The following MAST2 variants were observed in gnomAD, a reference collection of about 807,000 sequenced individuals.
The protein encoded by MAST2 is microtubule associated serine/threonine kinase 2.
MAST2 carries 70 observed loss-of-function variants against 147.4 expected under a neutral mutation model. That is an observed-to-expected ratio of 0.47 (90% CI 0.39 to 0.58). The LOEUF is 0.58. Among genes scored for constraint, MAST2 ranks in the 20% least tolerant of loss-of-function variants. The pLI, the probability that MAST2 is intolerant of heterozygous loss-of-function variation, is 0.00. For synonymous variants in MAST2, 869 were observed against 896.8 expected (o/e 0.97, Z 0.55); for missense variants, 2,080 against 2,302.3 (o/e 0.90, Z 1.98).
chr1:45,974,598 C>A (rs1441861903), intron 5 of MAST2, among the ~76,000 whole-genome samples: 2 of 151,932 alleles, frequency 1.3e-5, no homozygotes, highest in Non-Finnish European at 2.9e-5. Context: ...GACCCTGTCT[C>A]AAAAAAATAT....
chr1:46,015,459 TC>T (rs1645896644), intron 10 of MAST2, among the ~76,000 whole-genome samples: 1 of 151,464 alleles, frequency 6.6e-6, no homozygotes, highest in Non-Finnish European at 1.5e-5. Flanking sequence ...GAGAGAAGAA[TC>T]AAATAGGCAC....
At chr1:45,925,403 C>G (rs1209747527) in intron 4 of MAST2, among the ~76,000 whole-genome samples, 1 of 152,188 alleles carries the variant, frequency 6.6e-6, no homozygotes, top group Non-Finnish European at 1.5e-5. Context: ...AACCACTAAC[C>G]TTTACTCCAT....
At chr1:45,829,803 C>T (rs943428073) in intron 3 of MAST2, among the ~76,000 whole-genome samples, 4 of 151,716 alleles carry the variant, frequency 2.6e-5, no homozygotes, top group Admixed American at 6.6e-5. Context: ...CCTATTGCCT[C>T]AACCTTCCAA....
intron 3 of MAST2, among the ~76,000 whole-genome samples, chr1:45,837,175 A>G (rs1031581093): frequency 6.6e-6 from 1 of 151,414 alleles, no homozygotes; most frequent in African/African-American, 2.4e-5. Flanking sequence ...ACCCTCATAC[A>G]GCTCATCTCC....
At chr1:46,015,581 T>C (rs1278319982) in intron 10 of MAST2, among the ~76,000 whole-genome samples, 1 of 152,046 alleles carries the variant, frequency 6.6e-6, no homozygotes, top group African/African-American at 2.4e-5. Context: ...CTAGAAGAAA[T>C]GGATAAATTC....
chr1:45,994,491 T>A (rs1301478958), intron 5 of MAST2, among the ~76,000 whole-genome samples: 1 of 151,982 alleles, frequency 6.6e-6, no homozygotes, highest in African/African-American at 2.4e-5. Flanking sequence ...TTTGCCACGT[T>A]GGCCAGGCTG....
chr1:45,876,567 T>A (rs1646615687), intron 3 of MAST2, among the ~76,000 whole-genome samples: 1 of 152,186 alleles, frequency 6.6e-6, no homozygotes, highest in South Asian at 2.1e-4. Context: ...TAATTTATGG[T>A]TATCTGTCTA....
At chr1:45,933,245 G>GA (rs1655632325) in intron 4 of MAST2, among the ~76,000 whole-genome samples, 1 of 113,092 alleles carries the variant, frequency 8.8e-6, no homozygotes, top group Non-Finnish European at 1.9e-5. Flanking sequence ...AAGCGGGGGG[G>GA]TTGGGGGGGG....
intron 4 of MAST2, among the ~76,000 whole-genome samples, chr1:45,909,051 T>G (rs1651239936): frequency 6.6e-6 from 1 of 152,168 alleles, no homozygotes; most frequent in African/African-American, 2.4e-5. Context: ...AATCGAAACT[T>G]TTTTTCTTTA....
At chr1:45,989,574 T>G (rs973566746) in intron 5 of MAST2, among the ~76,000 whole-genome samples, 2 of 152,212 alleles carry the variant, frequency 1.3e-5, no homozygotes, top group African/African-American at 2.4e-5. Flanking sequence ...TAATTTGCCT[T>G]TAGAGGTGAC....
intron 1 of MAST2, among the ~76,000 whole-genome samples, chr1:45,816,385 G>C (rs1054332681): frequency 6.6e-6 from 1 of 152,140 alleles, no homozygotes; most frequent in African/African-American, 2.4e-5. Flanking sequence ...GACCATTCAG[G>C]AAAACATGAC....
chr1:45,879,302 G>T (rs1646739757), intron 3 of MAST2, among the ~76,000 whole-genome samples: 2 of 152,122 alleles, frequency 1.3e-5, no homozygotes, highest in South Asian at 4.1e-4. Context: ...GCCTGGCATG[G>T]TGGCTCACGC....
At chr1:45,843,768 A>G (rs1043741794) in intron 3 of MAST2, among the ~76,000 whole-genome samples, 1 of 152,174 alleles carries the variant, frequency 6.6e-6, no homozygotes, top group African/African-American at 2.4e-5. Context: ...TTGTAAGAGG[A>G]ACTTGTTTCT....
intron 6 of MAST2, among the ~76,000 whole-genome samples, chr1:45,999,412 A>G (rs1645184608): frequency 6.6e-6 from 1 of 152,174 alleles, no homozygotes; most frequent in Admixed American, 6.5e-5. Context: ...TGGACTATAT[A>G]TAAACTGTAC....
intron 26 of MAST2, 151 bp downstream of exon 26, chr1:46,032,869 C>A: frequency 2.0e-6 from 2 of 989,630 alleles, no homozygotes; most frequent in Non-Finnish European, 2.9e-6. Context: ...GTGGCTCATG[C>A]CTGTAAATCC....
At chr1:45,825,184 C>T (rs1271770991) in intron 2 of MAST2, among the ~76,000 whole-genome samples, 1 of 152,030 alleles carries the variant, frequency 6.6e-6, no homozygotes, top group Non-Finnish European at 1.5e-5. Context: ...CGCCACCATG[C>T]CTGTCTAATT....
intron 1 of MAST2, among the ~76,000 whole-genome samples, chr1:45,805,612 G>T (rs1051405583): frequency 2.8e-4 from 42 of 152,300 alleles, no homozygotes; most frequent in African/African-American, 8.7e-4. Context: ...TGACCTTACT[G>T]CGTATTTCAT....
At chr1:45,806,550 C>T (rs1259941142) in intron 1 of MAST2, among the ~76,000 whole-genome samples, 1 of 152,128 alleles carries the variant, frequency 6.6e-6, no homozygotes, top group Non-Finnish European at 1.5e-5. Context: ...TAGGCACATA[C>T]CACCATGCCC....
chr1:45,838,736 G>A (rs780936386), intron 3 of MAST2, among the ~76,000 whole-genome samples: 12 of 151,880 alleles, frequency 7.9e-5, no homozygotes, highest in Non-Finnish European at 1.5e-4. Flanking sequence ...ATTTATATAC[G>A]AAAAATGTGG....
Sources: gnomAD v4.1 joint callset for allele counts (sites outside exome capture counted in the v4.1 genomes callset) on GRCh38, gnomAD v4.1.1 for gene constraint, MANE v1.5 for transcripts, NCBI Gene and HGNC (gene_info 2026-07-23, HGNC 2026-07-21) for gene names.